Variants in DACH1 observed in about 807,000 individuals in gnomAD.
DACH1 encodes dachshund family transcription factor 1.
Under a neutral mutation model 54.2 loss-of-function variants are expected in DACH1, and 12 were observed. That is an observed-to-expected ratio of 0.22 (90% CI 0.14 to 0.36). The LOEUF (loss-of-function observed/expected upper bound fraction) is 0.36. Ranked by LOEUF, DACH1 falls within the 10% of genes least tolerant of loss-of-function variation. The pLI, the probability that DACH1 is intolerant of heterozygous loss-of-function variation, is 1.00. For missense variants in DACH1, 805 were observed against 929.8 expected (o/e 0.87, Z 1.75); for synonymous variants, 386 against 366.2 (o/e 1.05, Z -0.62).
At chr13:71,677,769 G>T (rs987406421) in intron 2 of DACH1, among the ~76,000 whole-genome samples, 2 of 152,044 alleles carry the variant, frequency 1.3e-5, no homozygotes, top group African/African-American at 4.8e-5. Flanking sequence ...TGTCAGGCTG[G>T]AGTGCAGTGG....
chr13:71,505,578 T>C (rs1880248307), intron 6 of DACH1, among the ~76,000 whole-genome samples: 1 of 152,300 alleles, frequency 6.6e-6, no homozygotes, highest in South Asian at 2.1e-4. Context: ...TACATATAGG[T>C]ATATCATATG....
At chr13:71,552,312 T>C (rs1883868480) in intron 6 of DACH1, among the ~76,000 whole-genome samples, 1 of 152,058 alleles carries the variant, frequency 6.6e-6, no homozygotes, top group Non-Finnish European at 1.5e-5. Context: ...TAATACAAAT[T>C]AGGTATGCAA....
At chr13:71,642,131 T>G (rs867160522) in intron 2 of DACH1, among the ~76,000 whole-genome samples, 142 of 152,340 alleles carry the variant, frequency 9.3e-4, no homozygotes, top group African/African-American at 3.2e-3. Flanking sequence ...CTCTTCATTT[T>G]AGACGCAATG....
At chr13:71,595,899 C>A (rs1376397823) in intron 3 of DACH1, among the ~76,000 whole-genome samples, 1 of 152,086 alleles carries the variant, frequency 6.6e-6, no homozygotes, top group Non-Finnish European at 1.5e-5. Flanking sequence ...GCTGCAGGGA[C>A]ACAAACATGC....
intron 10 of DACH1, among the ~76,000 whole-genome samples, chr13:71,455,351 G>T (rs984426174): frequency 6.6e-6 from 1 of 151,736 alleles, no homozygotes; most frequent in Non-Finnish European, 1.5e-5. Flanking sequence ...TAGACAGATA[G>T]ATATAGATAG....
rs565947119 is a variant in DACH1 at position 71,796,879 on chromosome 13, C to T, written c.848+69043G>A. On this transcript the variant is annotated intron_variant, in intron 1 of 10. Transcript: ENST00000613252. ...ACTTAGGGTTAGGAAACTGGTTTCT[C>T]TTATTGATCCTCTTTGTTAACTACT... 2.6e-5 allele frequency among the ~76,000 whole-genome samples: 4 copies of T among 152,146 alleles called. No individual in the cohort carries two copies. The South Asian group carries it at 8.3e-4, about 32-fold the overall frequency.
At chr13:71,456,901 G>C (rs1344350223) in intron 10 of DACH1, among the ~76,000 whole-genome samples, 3 of 151,914 alleles carry the variant, frequency 2.0e-5, no homozygotes, top group African/African-American at 7.2e-5. Context: ...AATTCTAAAC[G>C]TTGCAGCCCT....
At chr13:71,469,053 C>T (rs1876843705) in intron 10 of DACH1, among the ~76,000 whole-genome samples, 1 of 152,054 alleles carries the variant, frequency 6.6e-6, no homozygotes. Flanking sequence ...GACATGTAAG[C>T]CTGGGTAAAA....
intron 1 of DACH1, among the ~76,000 whole-genome samples, chr13:71,733,275 C>A (rs1223186826): frequency 6.6e-6 from 1 of 152,176 alleles, no homozygotes. Flanking sequence ...TATCCTCCCA[C>A]CTCTGCCTCT....
chr13:71,866,593 G>T lies in DACH1; in HGVS notation c.177C>A (p.Pro59=). The part of the protein sequence containing the change: ...SSGPTLFRPE[P]IASAAAAAAT... ...CCGCCGCCGCCGCCGCCGAAGCGAT[G>T]GGCTCCGGGCGGAACAGAGTTGGCC... Residue 59 remains proline, a synonymous_variant, in exon 1 of 11, where the codon CCC becomes CCA. Coordinates refer to ENST00000613252, the MANE Select transcript of DACH1 (RefSeq NM_080759.6). 7.7e-7 allele frequency: 1 copy of T among 1,299,394 alleles called. No individual in the cohort carries two copies. The highest frequency in any genetic ancestry group is 9.8e-7 in the Non-Finnish European group (1 of 1,020,478). The allele number at this position is 1,299,394 out of a possible 1,614,324, so 80.5% of individuals were successfully genotyped here.
chr13:71,627,173 G>A (rs530415630), intron 3 of DACH1, among the ~76,000 whole-genome samples: 13 of 151,852 alleles, frequency 8.6e-5, no homozygotes, highest in African/African-American at 2.9e-4. Flanking sequence ...ATCTTTTTCT[G>A]GCTAATTTCT....
intron 6 of DACH1, among the ~76,000 whole-genome samples, chr13:71,494,308 T>C (rs889868268): frequency 6.6e-6 from 1 of 152,150 alleles, no homozygotes; most frequent in Non-Finnish European, 1.5e-5. Context: ...TATGAAACCA[T>C]TGCGATTTTC....
chr13:71,812,854 G>C (rs1376390233), intron 1 of DACH1, among the ~76,000 whole-genome samples: 1 of 152,106 alleles, frequency 6.6e-6, no homozygotes, highest in Non-Finnish European at 1.5e-5. Flanking sequence ...ACTGTGACTG[G>C]TATTTAAGTC....
At chr13:71,651,489 T>C (rs750545323) in intron 2 of DACH1, among the ~76,000 whole-genome samples, 3 of 152,126 alleles carry the variant, frequency 2.0e-5, no homozygotes, top group Non-Finnish European at 4.4e-5. Flanking sequence ...GGCAAAATCC[T>C]GTCTTTACTA....
intron 7 of DACH1, among the ~76,000 whole-genome samples, chr13:71,481,305 A>C (rs1878009286): frequency 1.3e-5 from 2 of 152,342 alleles, no homozygotes; most frequent in South Asian, 4.1e-4. Context: ...AATTACTATT[A>C]AACTATTATT....
intron 10 of DACH1, among the ~76,000 whole-genome samples, chr13:71,444,729 A>C (rs1017601944): frequency 6.6e-6 from 1 of 152,180 alleles, no homozygotes; most frequent in African/African-American, 2.4e-5. Flanking sequence ...TAAAAGACCC[A>C]TATTTACATT....
At chr13:71,618,808 A>G (rs1875980430) in intron 3 of DACH1, among the ~76,000 whole-genome samples, 1 of 151,910 alleles carries the variant, frequency 6.6e-6, no homozygotes, top group African/African-American at 2.4e-5. Context: ...TGCTTTATTG[A>G]TGATCCCTGA....
chr13:71,635,279 G>C (rs9542726), intron 2 of DACH1, among the ~76,000 whole-genome samples: 8,428 of 152,190 alleles, frequency 0.055, 322 homozygotes, highest in Non-Finnish European at 0.078. Flanking sequence ...GTCTTGCCTA[G>C]GGCTGGAGAG....
chr13:71,520,860 A>G (rs568323155), intron 6 of DACH1, among the ~76,000 whole-genome samples: 204 of 152,110 alleles, frequency 1.3e-3, no homozygotes, highest in African/African-American at 4.8e-3. Context: ...TATGGTAGTT[A>G]GGTGAGAAGG....
Sources: allele counts gnomAD v4.1 joint callset (sites outside exome capture counted in the v4.1 genomes callset), GRCh38; gene constraint gnomAD v4.1.1; transcripts MANE v1.5; gene names NCBI Gene and HGNC (gene_info 2026-07-23, HGNC 2026-07-21).